The following NAV2 variants were observed in gnomAD, a reference collection of about 807,000 sequenced individuals.
The protein encoded by NAV2 is neuron navigator 2.
NAV2 carries 54 observed loss-of-function variants against 223.2 expected under a neutral mutation model. The observed-to-expected ratio is 0.24, with a 90% confidence interval of 0.19 to 0.30. The LOEUF is 0.30. Ranked by LOEUF, NAV2 falls within the 10% of genes least tolerant of loss-of-function variation. The probability of loss-of-function intolerance (pLI) is 1.00; values close to 1 mark genes in which losing one functional copy is unlikely to be tolerated. For missense variants in NAV2, 2,806 were observed against 3,147.5 expected, an observed-to-expected ratio of 0.89 and a Z score of 2.60; for synonymous variants, 1,279 against 1,239.3, an observed-to-expected ratio of 1.03 and a Z score of -0.67.
chr11:19,566,856 A>T (rs1382939894), intron 1 of NAV2, among the ~76,000 whole-genome samples: 1 of 152,206 alleles, frequency 6.6e-6, no homozygotes, highest in Non-Finnish European at 1.5e-5. Context: ...AGACACACCC[A>T]CAAAGGCCTA....
chr11:19,817,578 T>TTGCC (rs1427407134), intron 1 of NAV2, among the ~76,000 whole-genome samples: 4 of 151,930 alleles, frequency 2.6e-5, no homozygotes, highest in Non-Finnish European at 5.9e-5. Flanking sequence ...TTGAGGATGG[T>TTGCC]CAGTGTTTGG....
intron 1 of NAV2, among the ~76,000 whole-genome samples, chr11:19,568,594 T>C (rs2045336682): frequency 6.6e-6 from 1 of 152,354 alleles, no homozygotes; most frequent in Admixed American, 6.5e-5. Flanking sequence ...CAGACCCTGC[T>C]AAGCACTTCA....
chr11:19,708,756 A>G (rs1261640374), upstream of NAV2, among the ~76,000 whole-genome samples: 1 of 152,136 alleles, frequency 6.6e-6, no homozygotes, highest in Admixed American at 6.6e-5. Flanking sequence ...AGCTTTGATA[A>G]TACGTTTCAA....
chr11:19,666,183 C>G lies in NAV2; in HGVS notation c.76-166301C>G, dbSNP rs531569709. ...TCCGTTCTCTCTGACGTTAAAATCA[C>G]GTGCTCTTCTCACTCTGTTCACCAG... On this transcript the variant is annotated intron_variant, in intron 1 of 37. Transcript: ENST00000360655. Among the ~76,000 whole-genome samples the G allele has an allele frequency of 1.5e-4, 23 of 152,346 alleles. 1 individual carries two copies. In the South Asian group the frequency reaches 4.8e-3, roughly 32 times the overall value.
intron 1 of NAV2, among the ~76,000 whole-genome samples, chr11:19,579,066 T>C (rs2045643088): frequency 6.6e-6 from 1 of 152,012 alleles, no homozygotes; most frequent in African/African-American, 2.4e-5. Flanking sequence ...AAAAAAGAAA[T>C]CTCTCCCAAG....
chr11:20,017,477 AAAGT>A (rs2054111064), intron 11 of NAV2, among the ~76,000 whole-genome samples: 1 of 152,198 alleles, frequency 6.6e-6, no homozygotes, highest in Admixed American at 6.5e-5. Flanking sequence ...CACACTATTT[AAAGT>A]AAGTGCTTCC....
In NAV2 at chr11:20,106,175, A is replaced by ATATATATATATGTGTGTGTG. The variant is rs11267537; in HGVS notation, c.6841+449_6841+450insATATATATATGTGTGTGTGT. Among the ~76,000 whole-genome samples the ATATATATATATGTGTGTGTG allele has an allele frequency of 1.8e-3, 66 of 35,816 alleles. 3 individuals are homozygous for ATATATATATATGTGTGTGTG. The highest frequency in any genetic ancestry group is 0.013 in the East Asian group (12 of 940). 23.5% of individuals were successfully genotyped at this position (35,816 alleles called of 152,430 possible). On this transcript the variant is annotated intron_variant, in intron 35 of 37. Transcript: ENST00000349880. The stretch of plus-strand genomic sequence containing the variant: ...TGTGTGTATATATATATATATATAT[A>ATATATATATATGTGTGTGTG]TGTGTGTGTATATATATATATATAT...
intron 1 of NAV2, among the ~76,000 whole-genome samples, chr11:19,535,072 C>T (rs750213201): frequency 6.6e-6 from 1 of 151,738 alleles, no homozygotes; most frequent in Admixed American, 6.6e-5. Context: ...AACAAGGAGC[C>T]AGTAGAGATT....
chr11:19,625,524 CTATT>C (rs1272844657), intron 1 of NAV2, among the ~76,000 whole-genome samples: 1 of 152,132 alleles, frequency 6.6e-6, no homozygotes, highest in Non-Finnish European at 1.5e-5. Context: ...GGAGGTGCAG[CTATT>C]TATTCAATAT....
At chr11:19,677,924 C>A (rs919243339) in intron 1 of NAV2, among the ~76,000 whole-genome samples, 2 of 152,212 alleles carry the variant, frequency 1.3e-5, no homozygotes, top group African/African-American at 4.8e-5. Flanking sequence ...AGTTTGCCAA[C>A]CCCTGGTCTA....
chr11:20,110,988 C>T (rs1016372427), intron 36 of NAV2, among the ~76,000 whole-genome samples: 1 of 152,148 alleles, frequency 6.6e-6, no homozygotes, highest in Non-Finnish European at 1.5e-5. Flanking sequence ...GACCTGCTGT[C>T]ATCAGGGGAT....
At chr11:19,747,482 C>A (rs944245684) in intron 1 of NAV2, among the ~76,000 whole-genome samples, 8 of 152,140 alleles carry the variant, frequency 5.3e-5, no homozygotes, top group African/African-American at 1.9e-4. Flanking sequence ...GAGTCAAATT[C>A]ATTACACATT....
chr11:19,636,214 T>C (rs1177245403), intron 1 of NAV2, among the ~76,000 whole-genome samples: 1 of 152,206 alleles, frequency 6.6e-6, no homozygotes, highest in East Asian at 1.9e-4. Flanking sequence ...CTGTTCTCCA[T>C]ATATGTTTCT....
At chr11:20,109,631 T>A (rs2062457730) in intron 36 of NAV2, among the ~76,000 whole-genome samples, 1 of 152,238 alleles carries the variant, frequency 6.6e-6, no homozygotes, top group African/African-American at 2.4e-5. Flanking sequence ...GGGAGTGTGA[T>A]ATGCCCAGCA....
At chr11:19,357,572 C>A (rs75194861) in intron 1 of NAV2, among the ~76,000 whole-genome samples, 2,353 of 152,124 alleles carry the variant, frequency 0.015, 57 homozygotes, top group African/African-American at 0.054. Context: ...GCAAAAATCC[C>A]TGTAAGAGGC....
At chr11:19,838,089 T>C (rs2060324173) in intron 2 of NAV2, among the ~76,000 whole-genome samples, 1 of 152,162 alleles carries the variant, frequency 6.6e-6, no homozygotes. Context: ...ATGGGGGAAT[T>C]CTCTATACTA....
chr11:19,953,545 C>A (rs1280468685), intron 10 of NAV2, among the ~76,000 whole-genome samples: 2 of 152,228 alleles, frequency 1.3e-5, no homozygotes, highest in East Asian at 3.9e-4. Flanking sequence ...TCTGACTAAT[C>A]CTGAAGAAAA....
chr11:19,807,385 G>A (rs1328262229), intron 1 of NAV2, among the ~76,000 whole-genome samples: 1 of 152,220 alleles, frequency 6.6e-6, no homozygotes, highest in Non-Finnish European at 1.5e-5. Flanking sequence ...TTATTTAGAT[G>A]CTGCCTTCTT....
intron 1 of NAV2, among the ~76,000 whole-genome samples, chr11:19,577,986 G>T (rs1366317362): frequency 6.6e-6 from 1 of 152,188 alleles, no homozygotes; most frequent in Non-Finnish European, 1.5e-5. Flanking sequence ...GCCTGCAAGG[G>T]GAGGAAAGAA....
Sources: allele counts gnomAD v4.1 joint callset (sites outside exome capture counted in the v4.1 genomes callset), GRCh38; gene constraint gnomAD v4.1.1; transcripts MANE v1.5; gene names NCBI Gene and HGNC (gene_info 2026-07-23, HGNC 2026-07-21).